RIMS2: variants seen among roughly 807,000 people sequenced by gnomAD.
The protein encoded by RIMS2 is regulating synaptic membrane exocytosis protein 2.
In RIMS2, 59 loss-of-function variants were observed where a neutral mutation model predicts 174.4. The ratio of observed to expected loss-of-function variants is 0.34; its 90% CI spans 0.27 to 0.42. The LOEUF is 0.42. Ranked by LOEUF, RIMS2 falls within the 10% of genes least tolerant of loss-of-function variation. The pLI, the probability that RIMS2 is intolerant of heterozygous loss-of-function variation, is 1.00. For synonymous variants in RIMS2, 606 were observed against 572.5 expected, an observed-to-expected ratio of 1.06 and a Z score of -0.84; for missense variants, 1,620 against 1,666.3, an observed-to-expected ratio of 0.97 and a Z score of 0.48.
chr8:103,617,399 A>G (rs1212798197), intron 1 of RIMS2, among the ~76,000 whole-genome samples: 1 of 152,228 alleles, frequency 6.6e-6, no homozygotes, highest in African/African-American at 2.4e-5. Context: ...ACCCAAAACT[A>G]TAAAAACCCT....
At chr8:103,656,299 A>G (rs1291543300) in intron 1 of RIMS2, among the ~76,000 whole-genome samples, 1 of 152,172 alleles carries the variant, frequency 6.6e-6, no homozygotes, top group Non-Finnish European at 1.5e-5. Context: ...TTAAAATTTA[A>G]GATGCTTATA....
rs7463393 is a variant in RIMS2, at chr8:104,026,618, T to C, written c.3334+12003T>C. Among the ~76,000 whole-genome samples, 95 of 135,836 alleles carry C rather than the reference T, an allele frequency of 7.0e-4. 1 individual carries two copies. Among genetic ancestry groups the C allele is most frequent in the African/African-American group, 2.5e-3 (87 of 34,824 alleles). 89.1% of individuals were successfully genotyped at this position (135,836 alleles called of 152,430 possible). On this transcript the variant is annotated intron_variant, in intron 19 of 23. Coordinates refer to ENST00000504942, the Ensembl canonical transcript of RIMS2. ...TTTCAAATACAGATAACCTTATAAA[T>C]AAGAAAGAAAGAAATGGAAAGAGGA...
chr8:103,794,399 G>T (rs1027458329), intron 3 of RIMS2, among the ~76,000 whole-genome samples: 1 of 152,122 alleles, frequency 6.6e-6, no homozygotes, highest in Non-Finnish European at 1.5e-5. Context: ...GCTGAAACTG[G>T]ATCCCTTCCT....
At chr8:103,707,943 T>G (rs1321896085) in intron 2 of RIMS2, among the ~76,000 whole-genome samples, 1 of 152,134 alleles carries the variant, frequency 6.6e-6, no homozygotes, top group African/African-American at 2.4e-5. Context: ...TCCTGCCTGG[T>G]GGTTTATTTT....
At chr8:104,254,367 T>G (rs2099365244), downstream of RIMS2, 1 of 152,248 alleles carries the variant, frequency 6.6e-6, no homozygotes, top group South Asian at 2.1e-4. Context: ...CACCAACTAA[T>G]GTAAATCAAA....
At chr8:104,191,459 A>G (rs189674331) in intron 19 of RIMS2, among the ~76,000 whole-genome samples, 39 of 152,266 alleles carry the variant, frequency 2.6e-4, no homozygotes, top group East Asian at 7.7e-4. Flanking sequence ...CACCAATCAT[A>G]CATGTATAGA....
chr8:103,870,337 A>G (rs576562565), intron 3 of RIMS2, among the ~76,000 whole-genome samples: 10 of 151,380 alleles, frequency 6.6e-5, no homozygotes, highest in Admixed American at 1.3e-4. Flanking sequence ...AAGTTTAGCT[A>G]AACCACTCTT....
chr8:103,868,855 G>A (rs949713740), intron 3 of RIMS2, among the ~76,000 whole-genome samples: 15 of 151,928 alleles, frequency 9.9e-5, no homozygotes, highest in African/African-American at 3.6e-4. Context: ...TCCTATAGTG[G>A]TATAAGACAT....
intron 17 of RIMS2, among the ~76,000 whole-genome samples, chr8:103,999,079 G>A (rs1041216288): frequency 4.6e-5 from 7 of 151,740 alleles, no homozygotes; most frequent in African/African-American, 7.2e-5. Flanking sequence ...TAATGTGGTG[G>A]AAGGCTTAGC....
At chr8:103,894,420 A>T (rs1198055670) in intron 4 of RIMS2, among the ~76,000 whole-genome samples, 1 of 151,670 alleles carries the variant, frequency 6.6e-6, no homozygotes, top group Non-Finnish European at 1.5e-5. Context: ...GAGGACCTTC[A>T]ACTAGAAATG....
chr8:103,801,162 A>G (rs914425358), intron 3 of RIMS2, among the ~76,000 whole-genome samples: 2 of 151,666 alleles, frequency 1.3e-5, no homozygotes, highest in Non-Finnish European at 2.9e-5. Flanking sequence ...TTTTTTTTGT[A>G]TTTTAATAGA....
At position 104,249,591 on chromosome 8, in the gene RIMS2, A is replaced by C; in HGVS notation, c.3691+3A>C. ...ACCAGGTTCCAAGACACTGCCAGGT[A>C]AAAACAAAAGAGATTTTTCTATTAT... On this transcript the variant is annotated splice_donor_region_variant and intron_variant, in intron 22 of 23. Transcript: ENST00000504942. 1 of 1,529,796 alleles carries C rather than the reference A, an allele frequency of 6.5e-7. No homozygotes were observed. The highest frequency in any genetic ancestry group is 1.1e-5 in the South Asian group (1 of 89,104). 94.8% of individuals were successfully genotyped at this position (1,529,796 alleles called of 1,614,324 possible). A position where few individuals can be genotyped will look rare whatever the true frequency, so the allele number is the denominator to read the frequency against.
chr8:104,186,090 A>G (rs1483219005), intron 19 of RIMS2, among the ~76,000 whole-genome samples: 1 of 151,762 alleles, frequency 6.6e-6, no homozygotes, highest in African/African-American at 2.4e-5. Context: ...TTGCAGCAAC[A>G]TGAATGGAAC....
chr8:103,697,956 AAC>A (rs1401275955), intron 2 of RIMS2, among the ~76,000 whole-genome samples: 1 of 150,102 alleles, frequency 6.7e-6, no homozygotes, highest in African/African-American at 2.5e-5. Context: ...CAGCCTGGGC[AAC>A]AGAGACTCTG....
intron 1 of RIMS2, among the ~76,000 whole-genome samples, chr8:103,692,211 A>G (rs1177433460): frequency 6.6e-6 from 1 of 152,190 alleles, no homozygotes; most frequent in African/African-American, 2.4e-5. Flanking sequence ...CTGCCTGAGT[A>G]CCACCTGTGT....
At chr8:103,584,249 C>T (rs2093777101) in intron 1 of RIMS2, among the ~76,000 whole-genome samples, 1 of 152,042 alleles carries the variant, frequency 6.6e-6, no homozygotes. Flanking sequence ...CTAAAATATC[C>T]TTCAAACATA....
intron 3 of RIMS2, among the ~76,000 whole-genome samples, chr8:103,867,575 A>G (rs1458675330): frequency 6.6e-6 from 1 of 151,964 alleles, no homozygotes; most frequent in Non-Finnish European, 1.5e-5. Context: ...CTAATAATGA[A>G]TACATAAATA....
At chr8:104,155,078 T>C (rs967134411) in intron 19 of RIMS2, among the ~76,000 whole-genome samples, 2 of 151,364 alleles carry the variant, frequency 1.3e-5, no homozygotes, top group Admixed American at 1.3e-4. Flanking sequence ...TTTCTGGGGG[T>C]GTTAGTTTTT....
At chr8:103,914,839 A>G (rs527562997) in intron 6 of RIMS2, among the ~76,000 whole-genome samples, 1 of 152,278 alleles carries the variant, frequency 6.6e-6, no homozygotes, top group Non-Finnish European at 1.5e-5. Context: ...AAGGTATACA[A>G]GTATACATAT....
Sources: allele counts gnomAD v4.1 joint callset (sites outside exome capture counted in the v4.1 genomes callset), GRCh38; gene constraint gnomAD v4.1.1; transcripts MANE v1.5; gene names NCBI Gene and HGNC (gene_info 2026-07-23, HGNC 2026-07-21).